The following BCL9 variants were observed in gnomAD, a reference collection of about 807,000 sequenced individuals.
BCL9 encodes B-cell CLL/lymphoma 9 protein.
A neutral mutation model predicts 88.5 loss-of-function variants in BCL9; 25 were observed. The observed-to-expected ratio is 0.28, with a 90% CI of 0.21 to 0.39. The LOEUF (loss-of-function observed/expected upper bound fraction) is 0.39, where lower values mean the gene tolerates loss of function less well. Ranked by LOEUF, BCL9 falls within the 10% of genes least tolerant of loss-of-function variation. BCL9 has a pLI of 1.00. For missense variants in BCL9, 1,817 were observed against 1,877.8 expected (o/e 0.97, Z 0.60); for synonymous variants, 711 against 673.3 (o/e 1.06, Z -0.87).
chr1:147,622,981 G>A (rs1481724003), intron 9 of BCL9, among the ~76,000 whole-genome samples: 3 of 132,450 alleles, frequency 2.3e-5, no homozygotes, highest in African/African-American at 8.5e-5. Flanking sequence ...TTTTTTTTTA[G>A]GACTAGGGAG....
Position 147,624,944 on chromosome 1 carries a change from A to T in BCL9, c.4266A>T (p.Gly1422=), listed in dbSNP as rs1553206343. The change falls in exon 10 of 10, where the codon GGA becomes GGT. Residue 1422 remains glycine (G), a synonymous_variant. Transcript: ENST00000234739. This position sits in a 1 kb window ranked among gnomAD's most constrained non-coding sequence, Gnocchi z 4.4. ...TTAGCCAAGGACCTGGCAACCCAGG[A>T]AACATGATGTTTTAAGCTGCTAAGA... The part of the protein sequence containing the change: ...GGFSQGPGNP[G]NMMF The T allele has an allele frequency of 1.9e-6, 3 of 1,608,640 alleles. No individual in the cohort carries two copies. The highest frequency in any genetic ancestry group is 2.6e-6 in the Non-Finnish European group (3 of 1,175,528).
Position 147,620,284 on chromosome 1 carries a change from G to A in BCL9, c.2129G>A (p.Gly710Glu). 2 of 1,614,098 alleles carry A rather than the reference G, an allele frequency of 1.2e-6. No homozygotes were observed. Among genetic ancestry groups the A allele is most frequent in the East Asian group, 2.2e-5 (1 of 44,876 alleles). ...QMGPGRELEF[G>E]MVPSGMKGDV... Reference sequence around the variant, plus strand: ...GGCCCTGGTCGGGAACTTGAGTTTGGGATGGTTCCTAGTGGGATGAAGGGA... The same window carrying A: ...GGCCCTGGTCGGGAACTTGAGTTTGAGATGGTTCCTAGTGGGATGAAGGGA... The change falls in exon 8 of 10, where the codon GGG becomes GAG. Residue 710 changes from glycine to glutamate, a missense_variant. Gly to Glu is a moderately conservative substitution (Grantham distance 98). This residue lies in a region of BCL9 where 1,228 missense variants were observed against 1,191.6 expected (regional missense o/e 1.03). Coordinates refer to ENST00000234739, the MANE Select transcript of BCL9 (RefSeq NM_004326.4).
chr1:147,587,268 GT>G (rs58031951), intron 1 of BCL9, among the ~76,000 whole-genome samples: 33,172 of 151,840 alleles, frequency 0.22, 7,283 homozygotes, highest in African/African-American at 0.55. Context: ...TGGTTTATCT[GT>G]TTAATTTGAA....
intron 1 of BCL9, among the ~76,000 whole-genome samples, chr1:147,558,524 CCAAGGAACCA>C (rs1376440270): frequency 6.6e-6 from 1 of 152,100 alleles, no homozygotes; most frequent in Non-Finnish European, 1.5e-5. Flanking sequence ...CCCACCAACC[CCAAGGAACCA>C]CACACGCTCT....
chr1:147,558,083 G>A (rs1303782106), intron 1 of BCL9, among the ~76,000 whole-genome samples: 1 of 152,148 alleles, frequency 6.6e-6, no homozygotes, highest in Non-Finnish European at 1.5e-5. Flanking sequence ...TAAAAAATGT[G>A]CATCTTAGAA....
intron 1 of BCL9, among the ~76,000 whole-genome samples, chr1:147,563,341 A>C (rs74698160): frequency 0.012 from 1,895 of 152,342 alleles, 22 homozygotes; most frequent in East Asian, 0.056. Context: ...TGATTAGAAC[A>C]GAGCCTAACA....
At chr1:147,591,187 G>A (rs1656828925) in intron 1 of BCL9, among the ~76,000 whole-genome samples, 1 of 152,036 alleles carries the variant, frequency 6.6e-6, no homozygotes, top group Admixed American at 6.6e-5. Context: ...TCAGGATGGT[G>A]CCTATTCCAT....
At chr1:147,601,969 C>T (rs782467277) in intron 1 of BCL9, among the ~76,000 whole-genome samples, 3 of 152,160 alleles carry the variant, frequency 2.0e-5, no homozygotes, top group East Asian at 1.9e-4. Flanking sequence ...GGTGCAATAT[C>T]GGCTCACTGC....
chr1:147,546,040 A>C (rs988959181), intron 1 of BCL9, among the ~76,000 whole-genome samples: 2 of 152,168 alleles, frequency 1.3e-5, no homozygotes, highest in Non-Finnish European at 2.9e-5. Flanking sequence ...ACTTGGCATT[A>C]AAATAATTGC....
intron 1 of BCL9, among the ~76,000 whole-genome samples, chr1:147,599,797 C>T (rs1339787273): frequency 2.1e-5 from 3 of 143,498 alleles, no homozygotes; most frequent in Non-Finnish European, 3.1e-5. Flanking sequence ...GCGGGAGGTG[C>T]GGCTGCCTGG....
chr1:147,618,020 A>G (rs1658376919), intron 7 of BCL9, among the ~76,000 whole-genome samples: 1 of 152,196 alleles, frequency 6.6e-6, no homozygotes, highest in Non-Finnish European at 1.5e-5. Flanking sequence ...AATAAACAAT[A>G]ATAAGGCAAT....
In BCL9 at chr1:147,611,859, T is replaced by C; in HGVS notation, c.23T>C (p.Val8Ala). The change falls in exon 4 of 10, where the codon GTG becomes GCG. Residue 8 changes from valine (V) to alanine (A), a missense_variant. Val to Ala is a moderately conservative substitution (Grantham distance 64, BLOSUM62 0). Coordinates refer to ENST00000234739, the MANE Select transcript of BCL9 (RefSeq NM_004326.4). ...TCAATGCATTCCAGTAACCCTAAAG[T>C]GAGGAGCTCTCCATCAGGAAACACA... is the stretch of plus-strand genomic sequence containing the variant. The part of the protein sequence containing the change: MHSSNPK[V>A]RSSPSGNTQS... The C allele has an allele frequency of 6.2e-7, 1 of 1,614,054 alleles. No individual in the cohort carries two copies. Among genetic ancestry groups the C allele is most frequent in the Non-Finnish European group, 8.5e-7 (1 of 1,179,990 alleles).
intron 1 of BCL9, among the ~76,000 whole-genome samples, chr1:147,598,856 G>C (rs1490185202): frequency 6.6e-6 from 1 of 152,210 alleles, no homozygotes; most frequent in Non-Finnish European, 1.5e-5. Flanking sequence ...AATAACGGTT[G>C]TTCACCGCAG....
chr1:147,617,921 A>C (rs782057002), intron 7 of BCL9, among the ~76,000 whole-genome samples: 2 of 152,176 alleles, frequency 1.3e-5, no homozygotes, highest in Non-Finnish European at 2.9e-5. Flanking sequence ...CAGAACATAC[A>C]CATCTCTCTT....
chr1:147,582,457 C>A (rs1024956211), intron 1 of BCL9, among the ~76,000 whole-genome samples: 5 of 151,918 alleles, frequency 3.3e-5, no homozygotes, highest in Admixed American at 6.6e-5. Flanking sequence ...ATACAGACAC[C>A]CTGTGTATGG....
At chr1:147,613,295 CA>C in intron 5 of BCL9, 96 bp downstream of exon 5, 1 of 1,243,302 alleles carries the variant, frequency 8.0e-7, no homozygotes, top group Non-Finnish European at 1.2e-6. Flanking sequence ...TAATATCAGA[CA>C]AGTGGGGAGA....
At chr1:147,598,338 T>C (rs1553200682) in intron 1 of BCL9, among the ~76,000 whole-genome samples, 1 of 152,240 alleles carries the variant, frequency 6.6e-6, no homozygotes, top group African/African-American at 2.4e-5. Flanking sequence ...CTTTATTTAA[T>C]TTATATCCTC....
chr1:147,550,053 G>T (rs1447136238), intron 1 of BCL9, among the ~76,000 whole-genome samples: 3 of 152,006 alleles, frequency 2.0e-5, no homozygotes, highest in East Asian at 1.9e-4. Context: ...CCTGATAATT[G>T]CTTCCTTCTC....
chr1:147,599,913 G>A (rs1553200979), intron 1 of BCL9, among the ~76,000 whole-genome samples: 2 of 151,140 alleles, frequency 1.3e-5, no homozygotes, highest in African/African-American at 4.9e-5. Flanking sequence ...GAAGGGGCAC[G>A]AGCGACTTTC....
Sources: allele counts gnomAD v4.1 joint callset (sites outside exome capture counted in the v4.1 genomes callset), GRCh38; gene constraint gnomAD v4.1.1; regional missense constraint gnomAD v4.1.1; non-coding constraint Gnocchi (gnomAD v3.1); transcripts MANE v1.5; gene names NCBI Gene and HGNC (gene_info 2026-07-23, HGNC 2026-07-21).